The following MTOR variants were observed in gnomAD, a reference collection of about 807,000 sequenced individuals.
MTOR encodes serine/threonine-protein kinase mTOR.
In MTOR, 70 loss-of-function variants were observed where a neutral mutation model predicts 319.8. The observed-to-expected ratio is 0.22, with a 90% CI of 0.18 to 0.27. MTOR has a LOEUF of 0.27. MTOR is among the 10% of genes least tolerant of loss of function. MTOR has a pLI of 1.00. For missense variants in MTOR, 1,890 were observed against 3,274.4 expected, an observed-to-expected ratio of 0.58 and a Z score of 10.32; for synonymous variants, 1,183 against 1,211.4, an observed-to-expected ratio of 0.98 and a Z score of 0.49.
chr1:11,229,620 T>A (rs77894861), intron 18 of MTOR, among the ~76,000 whole-genome samples: 3 of 152,184 alleles, frequency 2.0e-5, no homozygotes, highest in Non-Finnish European at 4.4e-5. Context: ...TGAAGCAATA[T>A]GATCCCATCT....
At chr1:11,195,011 C>A in intron 28 of MTOR, 1 of 1,613,652 alleles carries the variant, frequency 6.2e-7, no homozygotes, top group Non-Finnish European at 8.5e-7. Context: ...GCCCAGAAGA[C>A]TTCAAGCCTT....
In MTOR at chr1:11,130,678, C is replaced by G. The variant is rs1338775745; in HGVS notation, c.5464G>C (p.Gly1822Arg). Residue 1822 changes from glycine (G) to arginine (R), a missense_variant, in exon 39 of 58, where the codon GGG becomes CGG. Around this residue, in one of 15 missense-constraint regions of MTOR, gnomAD observed 91 missense variants for 90.4 expected, o/e 1.01. Transcript: ENST00000361445. ...GTGGTGGCGTTGGTGATGTTGGCCCCGCTGGCATGACGCAGTTTCTTCTTC... is the reference window on the plus strand; with the variant it reads ...GTGGTGGCGTTGGTGATGTTGGCCCGGCTGGCATGACGCAGTTTCTTCTTC... ...DEKKKLRHAS[G>R]ANITNATTAA... 1.2e-6 allele frequency: 2 copies of G among 1,611,186 alleles called. No homozygotes were observed. Among genetic ancestry groups the G allele is most frequent in the Non-Finnish European group, 1.7e-6 (2 of 1,178,998 alleles).
At chr1:11,137,091 C>G (rs541623243) in intron 36 of MTOR, among the ~76,000 whole-genome samples, 1 of 149,216 alleles carries the variant, frequency 6.7e-6, no homozygotes, top group East Asian at 2.0e-4. Flanking sequence ...ATTCGCCTGC[C>G]TCAGCCTCCC....
chr1:11,139,396 C>A lies in MTOR; in HGVS notation c.5038G>T (p.Asp1680Tyr). Reference sequence around the variant, plus strand: ...GGATGGTCAAGTTGCCGAGACGGATCAACTCCCAGGAGCAACACTAAAGTT... The same window carrying A: ...GGATGGTCAAGTTGCCGAGACGGATAAACTCCCAGGAGCAACACTAAAGTT... ...HKTLVLLLGV[D>Y]PSRQLDHPLP... Residue 1680 changes from aspartate to tyrosine, a missense_variant, in exon 36 of 58, where the codon GAT becomes TAT. Coordinates refer to ENST00000361445, the MANE Select transcript of MTOR (RefSeq NM_004958.4). 6.2e-7 allele frequency: 1 copy of A among 1,613,982 alleles called. No individual in the cohort carries two copies. The highest frequency in any genetic ancestry group is 8.5e-7 in the Non-Finnish European group (1 of 1,179,988).
At position 11,108,246 on chromosome 1, in the gene MTOR, C is replaced by T. The variant is rs370865586; in HGVS notation, c.7569G>A (p.Thr2523=). ...CTTGTTTGATGAGCAGCTCAACTTG[C>T]GTTGGAACATCCAAAGTGTCATCAT... ...FSHDDTLDVP[T]QVELLIKQAT... The change falls in exon 57 of 58, where the codon ACG becomes ACA. Residue 2523 remains threonine, a synonymous_variant. Transcript: ENST00000361445. The T allele has an allele frequency of 6.2e-6, 10 of 1,613,842 alleles. No homozygotes were observed. In the South Asian group the frequency reaches 8.8e-5, roughly 14 times the overall value.
At chr1:11,210,401 T>C (rs977421391) in intron 24 of MTOR, among the ~76,000 whole-genome samples, 4 of 152,336 alleles carry the variant, frequency 2.6e-5, no homozygotes, top group African/African-American at 9.6e-5. Flanking sequence ...CCACCTGCCT[T>C]GGCCTCCCAA....
intron 25 of MTOR, 124 bp downstream of exon 25, chr1:11,209,188 A>C: frequency 2.7e-6 from 3 of 1,114,086 alleles, no homozygotes; most frequent in Non-Finnish European, 3.9e-6. Flanking sequence ...AGTTCATGGT[A>C]TCTAGATTTC....
At position 11,145,201 on chromosome 1, in the gene MTOR, T is replaced by C. The variant is rs534746948; in HGVS notation, c.4687-156A>G. ...AGAAGGGCATTTTCCCAGAACTGAA[T>C]GGCTTGAGAGGAGGTATTATCCAAT... On this transcript the variant is annotated intron_variant, in intron 32 of 57. Coordinates refer to ENST00000361445, the MANE Select transcript of MTOR (RefSeq NM_004958.4). 424 of 650,972 alleles carry C rather than the reference T, an allele frequency of 6.5e-4. 4 individuals are homozygous for C. Among genetic ancestry groups the C allele is most frequent in the Admixed American group, 2.6e-4 (9 of 34,794 alleles). The allele number at this position is 650,972 out of a possible 1,614,324, so 40.3% of individuals were successfully genotyped here.
At chr1:11,240,205 C>T in intron 11 of MTOR, 98 bp downstream of exon 11, 1 of 1,461,454 alleles carries the variant, frequency 6.8e-7, no homozygotes, top group African/African-American at 1.4e-5. Flanking sequence ...CTGTCTTTAG[C>T]ACCCCAGCAA....
chr1:11,227,393 A>G (rs942930004), intron 19 of MTOR, among the ~76,000 whole-genome samples: 22 of 152,076 alleles, frequency 1.4e-4, no homozygotes, highest in Admixed American at 7.9e-4. Context: ...CTCCAGACAC[A>G]AAGTTAGGAA....
chr1:11,109,582 G>A lies in MTOR; in HGVS notation c.7447+67C>T, dbSNP rs570632693. 4.7e-6 allele frequency: 7 copies of A among 1,491,484 alleles called. No homozygotes were observed. The African/African-American group carries it at 6.9e-5, about 15-fold the overall frequency. 92.4% of individuals were successfully genotyped at this position (1,491,484 alleles called of 1,614,324 possible). ...CTTCATCTTGTTGACCCCTCTCAGG[G>A]TATAACACAGCTGCTATTTTCTTAA... On this transcript the variant is annotated intron_variant, in intron 55 of 57. Transcript: ENST00000361445. The surrounding 1 kb of genome is among the most constrained non-coding windows in gnomAD (Gnocchi z 4.0).
chr1:11,121,903 G>A lies in MTOR; in HGVS notation c.6810+76C>T, dbSNP rs2100360256. On this transcript the variant is annotated intron_variant, in intron 48 of 57. Coordinates refer to ENST00000361445, the MANE Select transcript of MTOR (RefSeq NM_004958.4). The surrounding 1 kb of genome is among the most constrained non-coding windows in gnomAD (Gnocchi z 4.9). ...GATTTTTCAGTGACAGACATACAGA[G>A]AGGAATGAGAAAAGCAGCGCTACGG... is the stretch of plus-strand genomic sequence containing the variant. 6.4e-7 allele frequency: 1 copy of A among 1,558,808 alleles called. No homozygotes were observed.
At chr1:11,197,640 C>T (rs1018024139) in intron 28 of MTOR, among the ~76,000 whole-genome samples, 1 of 152,220 alleles carries the variant, frequency 6.6e-6, no homozygotes, top group African/African-American at 2.4e-5. Context: ...CTCCCAGGTT[C>T]AAGCAATTCT....
chr1:11,250,067 C>G (rs1166617877), intron 6 of MTOR, among the ~76,000 whole-genome samples: 4 of 146,402 alleles, frequency 2.7e-5, no homozygotes, highest in African/African-American at 1.0e-4. Context: ...ACACCTCCCT[C>G]CCGGACGGGG....
intron 28 of MTOR, among the ~76,000 whole-genome samples, chr1:11,171,837 C>T (rs1433796452): frequency 6.6e-6 from 1 of 151,910 alleles, no homozygotes; most frequent in Non-Finnish European, 1.5e-5. Flanking sequence ...TAGTTTGAGA[C>T]CAGGCTGGCC....
intron 20 of MTOR, among the ~76,000 whole-genome samples, chr1:11,214,269 T>C (rs1183458720): frequency 6.6e-6 from 1 of 152,242 alleles, no homozygotes; most frequent in African/African-American, 2.4e-5. Context: ...AATCTATCCA[T>C]CAGGCCTGAA....
At position 11,231,309 on chromosome 1, in the gene MTOR, T is replaced by C; in HGVS notation, c.2640A>G (p.Thr880=). The C allele has an allele frequency of 6.2e-7, 1 of 1,614,094 alleles. No homozygotes were observed. The highest frequency in any genetic ancestry group is 1.1e-5 in the South Asian group (1 of 91,084). ...NFLKTEQNQG[T]RREAIRVLGL... ...TTGCCACGTCCCCTACCTCTCTGCG[T>C]GTACCCTGGTTCTGCTCAGTCTTCA... The change falls in exon 17 of 58, where the codon ACA becomes ACG. Residue 880 remains threonine (T), a synonymous_variant. Transcript: ENST00000361445.
intron 3 of MTOR, 28 bp downstream of exon 3, chr1:11,258,456 GT>G (rs2100983844): frequency 1.3e-6 from 2 of 1,505,864 alleles, no homozygotes; most frequent in Non-Finnish European, 1.8e-6. Context: ...TGAGTGTGTT[GT>G]TTTTGTGACC....
chr1:11,200,240 T>A (rs1408390444), intron 26 of MTOR, among the ~76,000 whole-genome samples: 1 of 152,172 alleles, frequency 6.6e-6, no homozygotes, highest in Admixed American at 6.5e-5. Context: ...AGGTCAGAAA[T>A]GTCAAAGGCA....
Sources: allele counts gnomAD v4.1 joint callset (sites outside exome capture counted in the v4.1 genomes callset), GRCh38; gene constraint gnomAD v4.1.1; regional missense constraint gnomAD v4.1.1; non-coding constraint Gnocchi (gnomAD v3.1); transcripts MANE v1.5; gene names NCBI Gene and HGNC (gene_info 2026-07-23, HGNC 2026-07-21).